Variants in CCSER1 observed in about 807,000 individuals in gnomAD.
CCSER1 encodes coiled-coil serine rich protein 1, also known as serine-rich coiled-coil domain-containing protein 1.
In CCSER1, 41 loss-of-function variants were observed where a neutral mutation model predicts 82.0. The observed-to-expected ratio is 0.50, with a 90% confidence interval of 0.39 to 0.65. The LOEUF is 0.65. Among genes scored for constraint, CCSER1 ranks in the 30% least tolerant of loss-of-function variants. The probability of loss-of-function intolerance (pLI) is 0.00; values close to 1 mark genes in which losing one functional copy is unlikely to be tolerated. For synonymous variants in CCSER1, 414 were observed against 383.9 expected (o/e 1.08, Z -0.92); for missense variants, 1,119 against 1,064.2 (o/e 1.05, Z -0.72).
At chr4:91,594,310 T>C (rs1242356815) in intron 10 of CCSER1, among the ~76,000 whole-genome samples, 1 of 149,802 alleles carries the variant, frequency 6.7e-6, no homozygotes, top group Non-Finnish European at 1.5e-5. Flanking sequence ...TATATGTATA[T>C]GTGTATATAT....
intron 5 of CCSER1, among the ~76,000 whole-genome samples, chr4:90,580,955 G>A (rs954616660): frequency 2.6e-5 from 4 of 152,036 alleles, no homozygotes; most frequent in Admixed American, 2.0e-4. Flanking sequence ...TATTTTAAAA[G>A]GGTTAACTAG....
At chr4:90,899,438 T>C (rs1361172685) in intron 8 of CCSER1, among the ~76,000 whole-genome samples, 2 of 152,068 alleles carry the variant, frequency 1.3e-5, no homozygotes, top group African/African-American at 4.8e-5. Flanking sequence ...TACATGCCTT[T>C]TCTTTGTTTT....
chr4:91,591,324 A>G (rs939373300), intron 10 of CCSER1, among the ~76,000 whole-genome samples: 1 of 152,120 alleles, frequency 6.6e-6, no homozygotes, highest in Non-Finnish European at 1.5e-5. Context: ...CTTACATGTA[A>G]TTATATTTAC....
chr4:91,153,826 A>T (rs1177130546), intron 10 of CCSER1, among the ~76,000 whole-genome samples: 1 of 151,906 alleles, frequency 6.6e-6, no homozygotes, highest in African/African-American at 2.4e-5. Context: ...AGAACTGCAA[A>T]TATTACAGAA....
intron 9 of CCSER1, among the ~76,000 whole-genome samples, chr4:91,068,209 A>C (rs1721044753): frequency 6.6e-6 from 1 of 152,210 alleles, no homozygotes; most frequent in African/African-American, 2.4e-5. Context: ...AATTCTCAGA[A>C]ATTCATGATG....
intron 7 of CCSER1, among the ~76,000 whole-genome samples, chr4:90,768,792 G>A (rs1177976931): frequency 6.6e-6 from 1 of 152,172 alleles, no homozygotes; most frequent in Non-Finnish European, 1.5e-5. Context: ...CTAAGGAGAT[G>A]TCTTAGCAAA....
At chr4:90,196,535 T>G (rs184989546) in intron 1 of CCSER1, among the ~76,000 whole-genome samples, 2 of 152,068 alleles carry the variant, frequency 1.3e-5, no homozygotes, top group Admixed American at 1.3e-4. Flanking sequence ...TCTCCCAGGC[T>G]CTCTCAGCTC....
chr4:90,700,861 T>C (rs1737947962), intron 6 of CCSER1, among the ~76,000 whole-genome samples: 1 of 152,180 alleles, frequency 6.6e-6, no homozygotes, highest in African/African-American at 2.4e-5. Context: ...TTGTTTGAGT[T>C]CTTTGTATAT....
intron 6 of CCSER1, among the ~76,000 whole-genome samples, chr4:90,649,844 C>T (rs1728389556): frequency 6.6e-6 from 1 of 152,126 alleles, no homozygotes; most frequent in African/African-American, 2.4e-5. Flanking sequence ...TGGTGGCTCA[C>T]ACCTGTAATC....
chr4:90,965,040 T>G (rs1372390789), intron 9 of CCSER1, among the ~76,000 whole-genome samples: 3 of 152,186 alleles, frequency 2.0e-5, no homozygotes, highest in Middle Eastern at 3.4e-3. Flanking sequence ...TCCCAGAGTT[T>G]TATCAATATT....
chr4:90,171,703 G>A (rs1731720389), intron 1 of CCSER1, among the ~76,000 whole-genome samples: 1 of 151,842 alleles, frequency 6.6e-6, no homozygotes, highest in South Asian at 2.1e-4. Context: ...ATGAGCAACG[G>A]TGTACCCTGA....
intron 3 of CCSER1, among the ~76,000 whole-genome samples, chr4:90,347,207 T>G (rs1561069438): frequency 1.3e-5 from 2 of 152,256 alleles, no homozygotes; most frequent in South Asian, 4.1e-4. Context: ...TGCCTATAAT[T>G]TTTACTTGTT....
chr4:90,165,352 G>A (rs973965147), intron 1 of CCSER1, among the ~76,000 whole-genome samples: 11 of 152,024 alleles, frequency 7.2e-5, no homozygotes, highest in African/African-American at 2.7e-4. Flanking sequence ...CTGCTGATTT[G>A]GTGATGAGCA....
At chr4:90,688,282 A>G (rs540217827) in intron 6 of CCSER1, among the ~76,000 whole-genome samples, 1 of 152,134 alleles carries the variant, frequency 6.6e-6, no homozygotes, top group African/African-American at 2.4e-5. Context: ...TTTGCTAAAT[A>G]ATTTCTGAAT....
At chr4:91,227,558 T>C (rs553897545) in intron 10 of CCSER1, among the ~76,000 whole-genome samples, 4 of 151,956 alleles carry the variant, frequency 2.6e-5, no homozygotes, top group East Asian at 1.9e-4. Context: ...GTACTGGTTT[T>C]TTTTTTTACC....
chr4:91,446,551 G>A (rs1342538160), intron 10 of CCSER1, among the ~76,000 whole-genome samples: 1 of 141,314 alleles, frequency 7.1e-6, no homozygotes, highest in Non-Finnish European at 1.5e-5. Flanking sequence ...CATAACAACT[G>A]ATATTCTGCT....
At chr4:91,519,671 G>A (rs1578680574) in intron 10 of CCSER1, among the ~76,000 whole-genome samples, 1 of 152,188 alleles carries the variant, frequency 6.6e-6, no homozygotes, top group Non-Finnish European at 1.5e-5. Flanking sequence ...TTGAAGAAAT[G>A]TGGGTCCTTG....
intron 4 of CCSER1, among the ~76,000 whole-genome samples, chr4:90,420,320 T>G (rs1447061637): frequency 1.3e-5 from 2 of 152,032 alleles, no homozygotes; most frequent in Admixed American, 1.3e-4. Flanking sequence ...ATGATGTACT[T>G]AAGTGACAGA....
At chr4:90,555,015 T>G (rs892990305) in intron 5 of CCSER1, among the ~76,000 whole-genome samples, 1 of 152,138 alleles carries the variant, frequency 6.6e-6, no homozygotes, top group Non-Finnish European at 1.5e-5. Flanking sequence ...TTCTTTATTA[T>G]GCCAGATGTG....
Sources: gnomAD v4.1 joint callset for allele counts (sites outside exome capture counted in the v4.1 genomes callset) on GRCh38, gnomAD v4.1.1 for gene constraint, MANE v1.5 for transcripts, NCBI Gene and HGNC (gene_info 2026-07-23, HGNC 2026-07-21) for gene names.